Variants in AMZ1 observed in about 807,000 individuals in gnomAD.
AMZ1 encodes the protein archaelysin family metallopeptidase 1, also known as archaemetzincin-1.
Under a neutral mutation model 29.9 loss-of-function variants are expected in AMZ1, and 39 were observed. The observed-to-expected ratio is 1.30, with a 90% CI of 1.01 to 1.70. AMZ1 has a LOEUF of 1.70. Ranked by LOEUF, AMZ1 falls within the 40% of genes most tolerant of loss-of-function variation. The pLI, the probability that AMZ1 is intolerant of heterozygous loss-of-function variation, is 0.00. For synonymous variants in AMZ1, 458 were observed against 304.0 expected, an observed-to-expected ratio of 1.51 and a Z score of -5.27; for missense variants, 1,041 against 680.6, an observed-to-expected ratio of 1.53 and a Z score of -5.89.
intron 4 of AMZ1, among the ~76,000 whole-genome samples, chr7:2,757,237 G>A (rs1277935321): frequency 4.2e-5 from 6 of 141,582 alleles, no homozygotes; most frequent in East Asian, 2.2e-4. Context: ...CCGGGTTCAC[G>A]CCATTCTCCT....
intron 1 of AMZ1, among the ~76,000 whole-genome samples, chr7:2,680,983 C>T (rs1786861708): frequency 1.3e-5 from 2 of 152,184 alleles, no homozygotes; most frequent in African/African-American, 4.8e-5. Context: ...GACCCACAGG[C>T]GCCGGGCAGG....
intron 4 of AMZ1, among the ~76,000 whole-genome samples, chr7:2,736,880 A>G (rs1367981341): frequency 1.3e-5 from 2 of 152,260 alleles, no homozygotes; most frequent in Non-Finnish European, 2.9e-5. Context: ...TCCTTCAGCT[A>G]ATTTAGGACC....
intron 4 of AMZ1, among the ~76,000 whole-genome samples, chr7:2,733,823 A>C (rs1201236195): frequency 6.6e-6 from 1 of 151,890 alleles, no homozygotes; most frequent in East Asian, 1.9e-4. Flanking sequence ...AGGCTGGCCC[A>C]CTCCTGGCCA....
chr7:2,720,538 G>C (rs1225285051), downstream of AMZ1, among the ~76,000 whole-genome samples: 1 of 151,812 alleles, frequency 6.6e-6, no homozygotes, highest in Non-Finnish European at 1.5e-5. Context: ...CAAGTAGCTG[G>C]GACTACAGGC....
chr7:2,708,678 C>A lies in AMZ1; in HGVS notation c.563C>A (p.Ala188Asp), dbSNP rs1269523430. The A allele has an allele frequency of 5.6e-6, 9 of 1,613,028 alleles. No homozygotes were observed. Among genetic ancestry groups the A allele is most frequent in the Admixed American group, 1.7e-5 (1 of 60,004 alleles). The change falls in exon 4 of 7, where the codon GCC (alanine) becomes GAC (aspartate). Residue 188 changes from alanine to aspartate, a missense_variant. Physicochemically the swap from Ala to Asp is moderately radical, Grantham distance 126. Transcript: ENST00000683327. ...LTLSDLYPHE[A>D]WSFTFSKFLP... ...CTGTCTGACCTGTACCCCCATGAGGCCTGGAGCTTCACCTTCAGCAAGTTC... is the reference window on the plus strand; with the variant it reads ...CTGTCTGACCTGTACCCCCATGAGGACTGGAGCTTCACCTTCAGCAAGTTC...
At chr7:2,749,212 G>T (rs933468340) in intron 4 of AMZ1, among the ~76,000 whole-genome samples, 1 of 152,050 alleles carries the variant, frequency 6.6e-6, no homozygotes, top group Non-Finnish European at 1.5e-5. Context: ...ACATGCACAC[G>T]TGTGTTTATT....
In AMZ1 at chr7:2,709,923, C is replaced by G. The variant is rs985781972; in HGVS notation, c.948+107C>G. ...CATGGGGACCGCACACAGGCTTTGT[C>G]AACTGCCGGGTTCCAGGCAGTGCAG... On this transcript the variant is annotated intron_variant, in intron 6 of 6. Coordinates refer to ENST00000683327, the MANE Select transcript of AMZ1 (RefSeq NM_001384743.1). 70 of 1,472,120 alleles carry G rather than the reference C, an allele frequency of 4.8e-5. No individual in the cohort carries two copies. The African/African-American group carries it at 8.1e-4, about 17-fold the overall frequency. The allele number at this position is 1,472,120 out of a possible 1,614,324, so 91.2% of individuals were successfully genotyped here.
At chr7:2,708,953 C>G in intron 4 of AMZ1, 122 bp from the exon 5 acceptor site, 12 of 1,343,084 alleles carry the variant, frequency 8.9e-6, no homozygotes, top group Non-Finnish European at 1.2e-5. Flanking sequence ...ACAGGGCCTC[C>G]CAGGACTGGT....
chr7:2,731,993 G>A lies in AMZ1; in HGVS notation n.550+22177G>A, dbSNP rs749190160. 3.3e-5 allele frequency among the ~76,000 whole-genome samples: 5 copies of A among 152,194 alleles called. No homozygotes were observed. Among genetic ancestry groups the A allele is most frequent in the South Asian group, 2.1e-4 (1 of 4,832 alleles). ...CTGAGGACGAATGCTCAGAACACTC[G>A]TGGGCAGGCCCAGCGCAAAACCACA... On this transcript the variant is annotated intron_variant and non_coding_transcript_variant, in intron 4 of 4. Transcript: ENST00000489665. This position sits in a 1 kb window ranked among gnomAD's most constrained non-coding sequence, Gnocchi z 6.0.
At chr7:2,695,839 C>G (rs551017471) in intron 1 of AMZ1, among the ~76,000 whole-genome samples, 1 of 151,970 alleles carries the variant, frequency 6.6e-6, no homozygotes, top group Admixed American at 6.6e-5. Flanking sequence ...GGTGAAACCC[C>G]GTCTCTACTA....
At position 2,718,945 on chromosome 7, in the gene AMZ1, G is replaced by A. The variant is rs1286914678; in HGVS notation, c.*6067G>A. 2.0e-5 allele frequency among the ~76,000 whole-genome samples: 3 copies of A among 152,088 alleles called. No homozygotes were observed. The highest frequency in any genetic ancestry group is 1.9e-4 in the East Asian group (1 of 5,196). On this transcript the variant is annotated 3_prime_UTR_variant, in exon 7 of 7. Transcript: ENST00000683327. The stretch of plus-strand genomic sequence containing the variant: ...ACAGGCAGGGGTACAGGAGAGCTCC[G>A]GCCATTTATTCCAAATGTATGAGCA...
chr7:2,723,266 C>G (rs148506629), downstream of AMZ1, among the ~76,000 whole-genome samples: 1,691 of 152,326 alleles, frequency 0.011, 17 homozygotes, highest in Middle Eastern at 0.075. Flanking sequence ...AGCTAAGTCA[C>G]AAGAGCTGCT....
intron 4 of AMZ1, among the ~76,000 whole-genome samples, chr7:2,756,141 C>G (rs1016346956): frequency 6.6e-6 from 1 of 152,026 alleles, no homozygotes; most frequent in Non-Finnish European, 1.5e-5. Flanking sequence ...CAGAAACAGG[C>G]CCCCACATAT....
At chr7:2,726,845 G>C (rs1789640837) in intron 4 of AMZ1, among the ~76,000 whole-genome samples, 1 of 152,172 alleles carries the variant, frequency 6.6e-6, no homozygotes, top group Non-Finnish European at 1.5e-5. Context: ...CCTGTGAGTG[G>C]TCTCTTCGCT....
At position 2,709,226 on chromosome 7, in the gene AMZ1, G is replaced by A. The variant is rs562498150; in HGVS notation, c.753G>A (p.Gly251=). 1 of 1,507,824 alleles carries A rather than the reference G, an allele frequency of 6.6e-7. No homozygotes were observed. Among genetic ancestry groups the A allele is most frequent in the East Asian group, 2.4e-5 (1 of 42,490 alleles). The allele number at this position is 1,507,824 out of a possible 1,614,324, so 93.4% of individuals were successfully genotyped here. A position where few individuals can be genotyped will look rare whatever the true frequency, so the allele number is the denominator to read the frequency against. Residue 251 remains glycine (G), a synonymous_variant, in exon 5 of 7, where the codon GGG becomes GGA. Coordinates refer to ENST00000683327, the MANE Select transcript of AMZ1 (RefSeq NM_001384743.1). ...RGWALCFSAL[G]MVQCCKVTCH... ...GGGCCCTGTGCTTCAGTGCCCTGGGGATGGTTCAGTGCTGCAAGGTGGGTG... is the reference window on the plus strand; with the variant it reads ...GGGCCCTGTGCTTCAGTGCCCTGGGAATGGTTCAGTGCTGCAAGGTGGGTG...
At chr7:2,737,329 C>T (rs1403003109) in intron 4 of AMZ1, among the ~76,000 whole-genome samples, 1 of 125,136 alleles carries the variant, frequency 8.0e-6, no homozygotes, top group Non-Finnish European at 1.6e-5. Flanking sequence ...CGCCCTGTCG[C>T]CCCGGCTGGA....
chr7:2,755,758 G>A (rs1583243220), intron 4 of AMZ1, among the ~76,000 whole-genome samples: 1 of 152,148 alleles, frequency 6.6e-6, no homozygotes, highest in South Asian at 2.1e-4. Context: ...GGCTAAAACA[G>A]GAAATTTTTT....
upstream of AMZ1, chr7:2,762,882 G>A (rs1256453865): frequency 2.8e-6 from 4 of 1,438,072 alleles, no homozygotes; most frequent in Non-Finnish European, 3.7e-6. Context: ...CCTGCTCGTG[G>A]AGCCATTGGT....
chr7:2,733,892 C>T (rs1790028697), intron 4 of AMZ1, among the ~76,000 whole-genome samples: 1 of 152,232 alleles, frequency 6.6e-6, no homozygotes, highest in South Asian at 2.1e-4. Flanking sequence ...TGGGTACAGT[C>T]TTGCTTCTGT....
Sources: gnomAD v4.1 joint callset for allele counts (sites outside exome capture counted in the v4.1 genomes callset) on GRCh38, gnomAD v4.1.1 for gene constraint, Gnocchi (gnomAD v3.1) non-coding constraint, MANE v1.5 for transcripts, NCBI Gene and HGNC (gene_info 2026-07-23, HGNC 2026-07-21) for gene names.